The following CLCN5 variants were observed in gnomAD, a reference collection of about 807,000 sequenced individuals.
CLCN5 encodes H(+)/Cl(-) exchange transporter 5.
CLCN5 carries 17 observed loss-of-function variants against 54.0 expected under a neutral mutation model. The observed-to-expected ratio is 0.31, with a 90% confidence interval of 0.22 to 0.47. CLCN5 has a LOEUF of 0.47. Ranked by LOEUF, CLCN5 falls within the 20% of genes least tolerant of loss-of-function variation. CLCN5 has a pLI of 1.00. For synonymous variants in CLCN5, 222 were observed against 233.0 expected, an observed-to-expected ratio of 0.95 and a Z score of 0.43; for missense variants, 448 against 646.7, an observed-to-expected ratio of 0.69 and a Z score of 3.33.
chrX:50,006,415 C>CA (rs1334401624), intron 3 of CLCN5, among the ~76,000 whole-genome samples: 88 of 111,850 alleles, frequency 7.9e-4, no homozygotes, highest in African/African-American at 2.6e-3. Flanking sequence ...GCAGAGAGTG[C>CA]CTGTCACCTC....
chrX:49,993,819 C>T (rs782734524), intron 3 of CLCN5, among the ~76,000 whole-genome samples: 1 of 111,502 alleles, frequency 9.0e-6, no homozygotes, highest in Non-Finnish European at 1.9e-5. Flanking sequence ...GGGGGCTGAC[C>T]ATGAGGAAAT....
At position 50,096,604 on chromosome X, in the gene CLCN5, A is replaced by C. The variant is rs1934269254; in HGVS notation, c.*4385A>C. Reference sequence around the variant, plus strand: ...AGTGCTGGGATTATAGGTGTGAGCCACCGCACCCAGCCAAACCTTGATTTT... The same window carrying C: ...AGTGCTGGGATTATAGGTGTGAGCCCCCGCACCCAGCCAAACCTTGATTTT... On this transcript the variant is annotated 3_prime_UTR_variant, in exon 15 of 15. Transcript: ENST00000376091. The C allele has an allele frequency of 8.9e-6, 1 of 112,837 alleles. No homozygotes were observed. Among genetic ancestry groups the C allele is most frequent in the African/African-American group, 3.3e-5 (1 of 30,726 alleles). 9.3% of individuals were successfully genotyped at this position (112,837 alleles called of 1,213,427 possible). A position where few individuals can be genotyped will look rare whatever the true frequency, so the allele number is the denominator to read the frequency against.
intron 3 of CLCN5, among the ~76,000 whole-genome samples, chrX:49,949,615 C>T (rs191452691): frequency 1.3e-4 from 14 of 111,079 alleles, no homozygotes; most frequent in Admixed American, 6.7e-4. Flanking sequence ...GGGAACTTAC[C>T]GCCAGAACAT....
At chrX:49,961,942 A>G (rs1462493569) in intron 3 of CLCN5, among the ~76,000 whole-genome samples, 1 of 112,016 alleles carries the variant, frequency 8.9e-6, no homozygotes, top group Non-Finnish European at 1.9e-5. Flanking sequence ...ACTACATCCT[A>G]TTATTTGACA....
At chrX:49,999,109 C>A (rs1311408812) in intron 3 of CLCN5, among the ~76,000 whole-genome samples, 2 of 109,867 alleles carry the variant, frequency 1.8e-5, no homozygotes, top group African/African-American at 6.6e-5. Flanking sequence ...TATGGGACAC[C>A]CTCCCCACCC....
intron 3 of CLCN5, among the ~76,000 whole-genome samples, chrX:50,028,163 T>C (rs1931516144): frequency 8.9e-6 from 1 of 111,858 alleles, no homozygotes; most frequent in South Asian, 3.8e-4. Context: ...TTTCCCCACT[T>C]AGGTAAGATA....
intron 3 of CLCN5, among the ~76,000 whole-genome samples, chrX:49,998,756 A>G (rs1157230155): frequency 9.0e-6 from 1 of 110,630 alleles, no homozygotes; most frequent in Non-Finnish European, 1.9e-5. Flanking sequence ...TCCTGATCCC[A>G]TTCCTATTTG....
At chrX:50,002,665 C>CTA (rs1481078812) in intron 3 of CLCN5, among the ~76,000 whole-genome samples, 1 of 97,528 alleles carries the variant, frequency 1.0e-5, no homozygotes, top group South Asian at 4.4e-4. Context: ...CTGTCTCTGT[C>CTA]TCTCTCTCTC....
At chrX:50,056,201 T>C (rs1243890377) in intron 4 of CLCN5, among the ~76,000 whole-genome samples, 1 of 110,951 alleles carries the variant, frequency 9.0e-6, no homozygotes, top group Admixed American at 9.8e-5. Context: ...GTGTGCCCAG[T>C]TTCCTTCTGG....
intron 3 of CLCN5, among the ~76,000 whole-genome samples, chrX:50,019,468 CTTTTTTTTTT>C: frequency 2.1e-5 from 1 of 47,676 alleles, no homozygotes; most frequent in South Asian, 1.4e-3. Flanking sequence ...TTTTTTTTTT[CTTTTTTTTTT>C]TTTTTTTTTT....
At chrX:49,929,399 G>A (rs781837258) in intron 3 of CLCN5, among the ~76,000 whole-genome samples, 15 of 111,966 alleles carry the variant, frequency 1.3e-4, no homozygotes, top group African/African-American at 4.5e-4. Flanking sequence ...GTTGTCAGGT[G>A]TTGTTTATTT....
intron 3 of CLCN5, among the ~76,000 whole-genome samples, chrX:49,931,772 C>T (rs781799733): frequency 9.3e-6 from 1 of 107,289 alleles, no homozygotes; most frequent in South Asian, 4.3e-4. Flanking sequence ...GCTAACTAGC[C>T]AGGCATGGTG....
intron 4 of CLCN5, chrX:50,067,551 C>G (rs940441918): frequency 5.4e-6 from 4 of 742,078 alleles, no homozygotes; most frequent in Non-Finnish European, 6.3e-6. Flanking sequence ...GTGACTCCAA[C>G]AGTGACATCA....
At position 49,946,548 on chromosome X, in the gene CLCN5, C is replaced by T. The variant is rs886648667; in HGVS notation, c.16+21234C>T. The stretch of plus-strand genomic sequence containing the variant: ...CAGCACCTTGCTTTTTCAAGGCCAG[C>T]GAGGGATAAAGTCTCAGTTTGTCTC... On this transcript the variant is annotated intron_variant, in intron 3 of 14. Coordinates refer to ENST00000376091, the MANE Select transcript of CLCN5 (RefSeq NM_001127898.4). Among the ~76,000 whole-genome samples the T allele has an allele frequency of 2.7e-5, 3 of 111,618 alleles. No individual in the cohort carries two copies. The Admixed American group carries it at 2.9e-4, about 11-fold the overall frequency.
At chrX:49,935,225 A>G (rs1389865332) in intron 3 of CLCN5, among the ~76,000 whole-genome samples, 2 of 111,492 alleles carry the variant, frequency 1.8e-5, no homozygotes, top group Non-Finnish European at 3.8e-5. Flanking sequence ...CCTGCAGTCC[A>G]CCCCTGCTGG....
At chrX:50,085,655 G>A (rs1430089307) in intron 9 of CLCN5, 1 of 307,703 alleles carries the variant, frequency 3.2e-6, no homozygotes, top group Non-Finnish European at 5.8e-6. Context: ...CATTTAGATG[G>A]TGAACAAATA....
intron 3 of CLCN5, among the ~76,000 whole-genome samples, chrX:49,982,196 G>A (rs1928769026): frequency 9.0e-6 from 1 of 110,893 alleles, no homozygotes; most frequent in Non-Finnish European, 1.9e-5. Flanking sequence ...TAGCATAAAT[G>A]TAGAGGAGCC....
chrX:50,048,095 C>T (rs1414210679), intron 4 of CLCN5, among the ~76,000 whole-genome samples: 1 of 112,160 alleles, frequency 8.9e-6, no homozygotes, highest in Non-Finnish European at 1.9e-5. Context: ...ACGAAACCGG[C>T]GGTGGGGGGT....
chrX:49,991,328 G>A (rs1557178943), intron 3 of CLCN5, among the ~76,000 whole-genome samples: 2 of 112,106 alleles, frequency 1.8e-5, no homozygotes, highest in African/African-American at 3.2e-5. Flanking sequence ...TTTTTCATAT[G>A]TTTGTTGGCC....
Sources: gnomAD v4.1 joint callset for allele counts (sites outside exome capture counted in the v4.1 genomes callset) on GRCh38, gnomAD v4.1.1 for gene constraint, MANE v1.5 for transcripts, NCBI Gene and HGNC (gene_info 2026-07-23, HGNC 2026-07-21) for gene names.